Variants in TOGARAM1 observed in about 807,000 individuals in gnomAD.
TOGARAM1 encodes TOG array regulator of axonemal microtubules 1.
In TOGARAM1, 100 loss-of-function variants were observed where a neutral mutation model predicts 166.6. The ratio of observed to expected loss-of-function variants is 0.60; its 90% confidence interval spans 0.51 to 0.71. The LOEUF (loss-of-function observed/expected upper bound fraction) is 0.71. TOGARAM1 is among the 30% of genes least tolerant of loss of function. The pLI is 0.00. For synonymous variants in TOGARAM1, 758 were observed against 763.8 expected, an observed-to-expected ratio of 0.99 and a Z score of 0.13; for missense variants, 2,029 against 2,102.7, an observed-to-expected ratio of 0.96 and a Z score of 0.69.
chr14:45,044,887 C>A lies in TOGARAM1; in HGVS notation c.4154+17C>A. On this transcript the variant is annotated intron_variant, in intron 13 of 19. Transcript: ENST00000361462. ...TGGACAAAGGTAATGTTCAAAATAACCTTGAAATGTCTTTAAACAAAAAAT... is the reference window on the plus strand; with the variant it reads ...TGGACAAAGGTAATGTTCAAAATAAACTTGAAATGTCTTTAAACAAAAAAT... The A allele has an allele frequency of 6.4e-7, 1 of 1,565,666 alleles. No homozygotes were observed.
At position 44,963,812 on chromosome 14, in the gene TOGARAM1, A is replaced by G; in HGVS notation, c.1391A>G (p.Lys464Arg). 6.2e-7 allele frequency: 1 copy of G among 1,614,188 alleles called. No homozygotes were observed. The highest frequency in any genetic ancestry group is 8.5e-7 in the Non-Finnish European group (1 of 1,180,016). ...ATGAAAATCTTCCTCAAGCTAATGA[A>G]GGAAGTAGGACCTCAGCAGGTGCTT... is the stretch of plus-strand genomic sequence containing the variant. Reference protein sequence around the residue: ...EYMKIFLKLMKEVGPQQVLCL... With the variant: ...EYMKIFLKLMREVGPQQVLCL... Residue 464 changes from lysine to arginine, a missense_variant, in exon 1 of 20, where the codon AAG (lysine) becomes AGG (arginine). Lys to Arg is a conservative substitution (Grantham distance 26). Coordinates refer to ENST00000361462, the MANE Select transcript of TOGARAM1 (RefSeq NM_001308120.2).
At chr14:45,011,425 A>G (rs565456358) in intron 6 of TOGARAM1, among the ~76,000 whole-genome samples, 4 of 151,796 alleles carry the variant, frequency 2.6e-5, no homozygotes, top group Non-Finnish European at 5.9e-5. Context: ...TGATCCTCCC[A>G]CCTCGGCCTC....
chr14:45,016,453 G>A (rs1301622170), intron 7 of TOGARAM1, among the ~76,000 whole-genome samples: 2 of 152,180 alleles, frequency 1.3e-5, no homozygotes, highest in East Asian at 1.9e-4. Flanking sequence ...AGGCCAAGGC[G>A]GGCGGATCAC....
At chr14:45,027,006 AAAACAAAC>A (rs10674415) in intron 8 of TOGARAM1, among the ~76,000 whole-genome samples, 5 of 151,746 alleles carry the variant, frequency 3.3e-5, no homozygotes, top group African/African-American at 4.9e-5. Flanking sequence ...AGACTATCTC[AAAACAAAC>A]AAACAAACAA....
chr14:45,073,265 A>G, intron 19 of TOGARAM1, 31 bp from the exon 20 acceptor site: 1 of 1,584,338 alleles, frequency 6.3e-7, no homozygotes, highest in Middle Eastern at 1.7e-4. Context: ...TATTAAGAAA[A>G]AACCCTGTTT....
rs770720384 is a variant in TOGARAM1 at position 45,025,828 on chromosome 14, C to T, written c.3284C>T (p.Thr1095Ile). ...PQQISSFDFT[T>I]TKALSEDSVV... ...CAAATTTCCAGTTTTGACTTCACAA[C>T]CACAAAGGCTTTATCAGAAGACTCA... The change falls in exon 8 of 20, where the codon ACC becomes ATC. Residue 1095 changes from threonine (T) to isoleucine (I), a missense_variant. Physicochemically the swap from Thr to Ile is moderately conservative, Grantham distance 89 (BLOSUM62 -1). Transcript: ENST00000361462. 9 of 1,609,902 alleles carry T rather than the reference C, an allele frequency of 5.6e-6. No homozygotes were observed. The highest frequency in any genetic ancestry group is 6.8e-6 in the Non-Finnish European group (8 of 1,177,140).
At chr14:45,015,361 C>CAT (rs1566635324) in intron 7 of TOGARAM1, among the ~76,000 whole-genome samples, 2 of 149,938 alleles carry the variant, frequency 1.3e-5, no homozygotes, top group Admixed American at 1.3e-4. Flanking sequence ...TATATTTATA[C>CAT]ATATATACAC....
Position 44,995,813 on chromosome 14 carries a change from A to T in TOGARAM1, c.2114A>T (p.Asp705Val). 1 of 1,607,566 alleles carries T rather than the reference A, an allele frequency of 6.2e-7. No individual in the cohort carries two copies. Among genetic ancestry groups the T allele is most frequent in the Non-Finnish European group, 8.5e-7 (1 of 1,177,810 alleles). ...KLSQGMPVNDDLCFSRKRVSR... is the reference protein window; with the variant it reads ...KLSQGMPVNDVLCFSRKRVSR... ...TCTCAAGGAATGCCAGTCAATGATGATTTATGTTTTAGCAGAAAAAGAGTA... is the reference window on the plus strand; with the variant it reads ...TCTCAAGGAATGCCAGTCAATGATGTTTTATGTTTTAGCAGAAAAAGAGTA... The change falls in exon 2 of 20, where the codon GAT becomes GTT. Residue 705 changes from aspartate (D) to valine (V), a missense_variant. Asp to Val is a radical substitution (Grantham distance 152, BLOSUM62 -3). This residue lies in a region of TOGARAM1 where 1,453 missense variants were observed against 1,432.2 expected (regional missense o/e 1.01). Transcript: ENST00000361462.
intron 13 of TOGARAM1, 70 bp from the exon 14 acceptor site, chr14:45,046,475 A>G (rs1277323320): frequency 8.2e-7 from 1 of 1,224,748 alleles, no homozygotes. Context: ...AAAACAACCC[A>G]TAGATCCATA....
At chr14:45,030,173 A>G (rs1345205438) in intron 10 of TOGARAM1, among the ~76,000 whole-genome samples, 4 of 152,168 alleles carry the variant, frequency 2.6e-5, no homozygotes, top group African/African-American at 7.2e-5. Context: ...ACTACTTTCA[A>G]TTGATATTCT....
intron 7 of TOGARAM1, among the ~76,000 whole-genome samples, chr14:45,021,322 G>C (rs1253289882): frequency 1.3e-5 from 2 of 152,068 alleles, no homozygotes; most frequent in South Asian, 2.1e-4. Flanking sequence ...GTGAAGGTGG[G>C]GTTTCCCTTA....
intron 6 of TOGARAM1, among the ~76,000 whole-genome samples, chr14:45,010,861 T>C (rs1052864110): frequency 6.6e-6 from 1 of 152,168 alleles, no homozygotes; most frequent in Non-Finnish European, 1.5e-5. Flanking sequence ...AATTTCTTCT[T>C]TCATCCAAGT....
intron 2 of TOGARAM1, 165 bp downstream of exon 2, chr14:44,996,067 TA>T (rs1343076575): frequency 8.3e-6 from 4 of 483,516 alleles, no homozygotes; most frequent in Non-Finnish European, 1.0e-5. Flanking sequence ...TATTATCTCA[TA>T]AAACCCTGGA....
intron 11 of TOGARAM1, 37 bp from the exon 12 acceptor site, chr14:45,043,649 A>C: frequency 8.6e-7 from 1 of 1,157,278 alleles, no homozygotes; most frequent in Non-Finnish European, 1.3e-6. Context: ...GTTGAGTCCC[A>C]TTTAACGAAT....
intron 5 of TOGARAM1, chr14:45,007,482 G>C (rs894905357): frequency 6.6e-5 from 10 of 151,834 alleles, no homozygotes; most frequent in Admixed American, 6.6e-4. Flanking sequence ...CTTAAATATA[G>C]TTCTTTTTTT....
rs2138985638 is a variant in TOGARAM1, at chr14:45,058,069, T to C, written c.4559+3520T>C. Among the ~76,000 whole-genome samples, 4 of 152,338 alleles carry C rather than the reference T, an allele frequency of 2.6e-5. No homozygotes were observed. In the South Asian group the frequency reaches 8.3e-4, roughly 32 times the overall value. ...AGTCCACACTCAAAACAGGATTGTTTTGCTGTCTCTTTCTTTAGGTCTAGT... is the reference window on the plus strand; with the variant it reads ...AGTCCACACTCAAAACAGGATTGTTCTGCTGTCTCTTTCTTTAGGTCTAGT... On this transcript the variant is annotated intron_variant, in intron 16 of 19. Coordinates refer to ENST00000361462, the MANE Select transcript of TOGARAM1 (RefSeq NM_001308120.2).
At chr14:44,966,211 C>T (rs2138711084) in intron 1 of TOGARAM1, among the ~76,000 whole-genome samples, 1 of 151,904 alleles carries the variant, frequency 6.6e-6, no homozygotes, top group South Asian at 2.1e-4. Flanking sequence ...GTGGCTCACA[C>T]CTGTAATGCC....
chr14:44,992,580 A>G (rs1422110945), intron 1 of TOGARAM1, among the ~76,000 whole-genome samples: 1 of 151,560 alleles, frequency 6.6e-6, no homozygotes, highest in Non-Finnish European at 1.5e-5. Context: ...GCATTAGGTC[A>G]GAGGATTAAA....
At chr14:44,992,743 G>C (rs1378866639) in intron 1 of TOGARAM1, among the ~76,000 whole-genome samples, 1 of 146,794 alleles carries the variant, frequency 6.8e-6, no homozygotes. Flanking sequence ...TCAGCCTCCC[G>C]AGTAGCTGGG....
Sources: allele counts gnomAD v4.1 joint callset (sites outside exome capture counted in the v4.1 genomes callset), GRCh38; gene constraint gnomAD v4.1.1; regional missense constraint gnomAD v4.1.1; transcripts MANE v1.5; gene names NCBI Gene and HGNC (gene_info 2026-07-23, HGNC 2026-07-21).